CCDC178: variants seen among roughly 807,000 people sequenced by gnomAD.
CCDC178 encodes coiled-coil domain-containing protein 178.
In CCDC178, 126 loss-of-function variants were observed where a neutral mutation model predicts 117.4. The ratio of observed to expected loss-of-function variants is 1.07; its 90% CI spans 0.93 to 1.24. CCDC178 has a LOEUF of 1.24. CCDC178 is among the 50% of genes most tolerant of loss of function. The pLI, the probability that CCDC178 is intolerant of heterozygous loss-of-function variation, is 0.00. For missense variants in CCDC178, 1,030 were observed against 986.9 expected, an observed-to-expected ratio of 1.04 and a Z score of -0.59; for synonymous variants, 283 against 313.4, an observed-to-expected ratio of 0.90 and a Z score of 1.02.
chr18:33,044,773 T>C (rs1422507869), intron 21 of CCDC178, among the ~76,000 whole-genome samples: 1 of 152,162 alleles, frequency 6.6e-6, no homozygotes, highest in Non-Finnish European at 1.5e-5. Context: ...GTCTCCATCA[T>C]CAGATGACTG....
intron 20 of CCDC178, among the ~76,000 whole-genome samples, chr18:33,093,352 A>G (rs894677921): frequency 6.6e-6 from 1 of 152,086 alleles, no homozygotes; most frequent in Non-Finnish European, 1.5e-5. Flanking sequence ...TTTCATCTCC[A>G]TGAAGTTCAG....
intron 21 of CCDC178, among the ~76,000 whole-genome samples, chr18:33,043,111 TAA>T (rs1235972543): frequency 6.6e-6 from 1 of 152,078 alleles, no homozygotes; most frequent in Non-Finnish European, 1.5e-5. Flanking sequence ...CTATGTTAAA[TAA>T]AAGACTACAA....
chr18:33,084,079 C>CT (rs952005887), intron 21 of CCDC178, among the ~76,000 whole-genome samples: 11 of 151,430 alleles, frequency 7.3e-5, no homozygotes, highest in South Asian at 2.1e-4. Context: ...CATATTGGGA[C>CT]TTTTTTTTTC....
chr18:33,034,230 G>T (rs1378135807), intron 21 of CCDC178, among the ~76,000 whole-genome samples: 3 of 151,818 alleles, frequency 2.0e-5, no homozygotes, highest in African/African-American at 7.3e-5. Context: ...TTCTGCATTA[G>T]GCTCTCATTA....
rs1000193455 is a variant in CCDC178 at position 33,128,508 on chromosome 18, G to A, written c.2239-35598C>T. On this transcript the variant is annotated intron_variant, in intron 20 of 22. Coordinates refer to ENST00000383096, the MANE Select transcript of CCDC178 (RefSeq NM_001105528.4). ...TTAGTACCTACTAAGTGCAATAAAG[G>A]CCCTGAATTTCGTGAGGTCTGACTA... Among the ~76,000 whole-genome samples the A allele has an allele frequency of 6.6e-5, 10 of 152,082 alleles. No homozygotes were observed. The East Asian group carries it at 1.9e-3, about 29-fold the overall frequency.
intron 3 of CCDC178, among the ~76,000 whole-genome samples, chr18:33,399,197 T>TA (rs58594519): frequency 0.049 from 6,567 of 134,914 alleles, 411 homozygotes; most frequent in African/African-American, 0.16. Context: ...AAGACTGTCT[T>TA]AAAAAAAAAA....
chr18:33,030,234 G>A (rs2056308928), intron 21 of CCDC178, among the ~76,000 whole-genome samples: 1 of 151,898 alleles, frequency 6.6e-6, no homozygotes, highest in Non-Finnish European at 1.5e-5. Context: ...CTCTCTTTAT[G>A]CTAGAACATT....
chr18:33,394,943 G>GTATGTATATATATATATATATA (rs1555697671), intron 4 of CCDC178, among the ~76,000 whole-genome samples: 4 of 61,498 alleles, frequency 6.5e-5, no homozygotes, highest in Non-Finnish European at 9.1e-5. Context: ...ATATGTATGT[G>GTATGTATATATATATATATATA]TATATATATA....
chr18:33,045,553 C>G (rs977704483), intron 21 of CCDC178, among the ~76,000 whole-genome samples: 2 of 152,164 alleles, frequency 1.3e-5, no homozygotes, highest in African/African-American at 4.8e-5. Context: ...GAAACATAGT[C>G]TAATGCTCAT....
chr18:33,232,190 C>T (rs1036811058), intron 15 of CCDC178, among the ~76,000 whole-genome samples: 2 of 152,140 alleles, frequency 1.3e-5, no homozygotes, highest in African/African-American at 4.8e-5. Context: ...GACCTGCAGC[C>T]TGGTTTTAGC....
chr18:33,374,169 G>T (rs1165932054), intron 5 of CCDC178, among the ~76,000 whole-genome samples: 1 of 152,262 alleles, frequency 6.6e-6, no homozygotes, highest in East Asian at 1.9e-4. Flanking sequence ...CTGGAAGAGG[G>T]CAGGAACTCA....
chr18:33,156,082 C>CTT (rs755685926), intron 20 of CCDC178, among the ~76,000 whole-genome samples: 2,406 of 97,918 alleles, frequency 0.025, 27 homozygotes, highest in Non-Finnish European at 0.032. Context: ...CTAGAAAACA[C>CTT]TTTTTTTTTT....
chr18:33,095,622 T>C (rs1305631171), intron 20 of CCDC178, among the ~76,000 whole-genome samples: 3 of 151,956 alleles, frequency 2.0e-5, no homozygotes, highest in Admixed American at 6.6e-5. Context: ...TGTATGCACA[T>C]AATATTAATT....
At chr18:33,336,863 G>C (rs1259278587) in intron 9 of CCDC178, among the ~76,000 whole-genome samples, 1 of 148,634 alleles carries the variant, frequency 6.7e-6, no homozygotes, top group Non-Finnish European at 1.5e-5. Context: ...GCTTAGTCTT[G>C]CTTTGGCTAT....
chr18:33,203,040 T>C (rs1180385160), intron 20 of CCDC178, among the ~76,000 whole-genome samples: 1 of 152,200 alleles, frequency 6.6e-6, no homozygotes, highest in Non-Finnish European at 1.5e-5. Context: ...CTGGAAGGAA[T>C]GGACAAATTC....
At chr18:33,039,134 T>C (rs996201755) in intron 21 of CCDC178, among the ~76,000 whole-genome samples, 1 of 152,012 alleles carries the variant, frequency 6.6e-6, no homozygotes, top group African/African-American at 2.4e-5. Context: ...ATGAAACATC[T>C]AGAAATAAAC....
chr18:33,094,925 G>T (rs1011880985), intron 20 of CCDC178, among the ~76,000 whole-genome samples: 1 of 151,918 alleles, frequency 6.6e-6, no homozygotes, highest in Non-Finnish European at 1.5e-5. Flanking sequence ...GATGTATAAT[G>T]AAGTTTAAGT....
At chr18:33,213,367 T>A (rs1260355741) in intron 19 of CCDC178, among the ~76,000 whole-genome samples, 1 of 151,950 alleles carries the variant, frequency 6.6e-6, no homozygotes, top group Non-Finnish European at 1.5e-5. Flanking sequence ...CTTCTCCTCT[T>A]TCATCTATCT....
chr18:33,287,197 T>C (rs540496193), intron 12 of CCDC178, among the ~76,000 whole-genome samples: 15 of 152,306 alleles, frequency 9.8e-5, no homozygotes, highest in African/African-American at 3.6e-4. Context: ...GTATGTGCAA[T>C]TAGGCAGCAC....
Sources: gnomAD v4.1 joint callset for allele counts (sites outside exome capture counted in the v4.1 genomes callset) on GRCh38, gnomAD v4.1.1 for gene constraint, MANE v1.5 for transcripts, NCBI Gene and HGNC (gene_info 2026-07-23, HGNC 2026-07-21) for gene names.